Variants in SHC1 observed in about 807,000 individuals in gnomAD.
The protein encoded by SHC1 is SHC adaptor protein 1.
SHC1 carries 30 observed loss-of-function variants against 55.9 expected under a neutral mutation model. The ratio of observed to expected loss-of-function variants is 0.54; its 90% CI spans 0.40 to 0.73. The LOEUF (loss-of-function observed/expected upper bound fraction) is 0.73, where lower values mean the gene tolerates loss of function less well. Among genes scored for constraint, SHC1 ranks in the 30% least tolerant of loss-of-function variants. The pLI is 0.00. For missense variants in SHC1, 675 were observed against 777.1 expected (o/e 0.87, Z 1.56); for synonymous variants, 309 against 306.1 (o/e 1.01, Z -0.10).
rs750142368 is a variant in SHC1, at chr1:154,966,031, T to C, written c.1302A>G (p.Leu434=). Residue 434 remains leucine (L), a synonymous_variant, in exon 10 of 12, where the codon CTA becomes CTG. Transcript: ENST00000448116. ...DDPSYVNVQN[L]DKARQAVGGA... ...CACCCACTGCTTGCCGGGCCTTGTC[T>C]AGGTTCTGGACGTTGACATAGGAGG... 2.5e-6 allele frequency: 4 copies of C among 1,613,936 alleles called. No individual in the cohort carries two copies. In the African/African-American group the frequency reaches 5.3e-5, roughly 22 times the overall value.
chr1:154,968,760 A>AC lies in SHC1; in HGVS notation c.630+10dup, dbSNP rs758091384. 1.9e-6 allele frequency: 3 copies of AC among 1,612,468 alleles called. No individual in the cohort carries two copies. The highest frequency in any genetic ancestry group is 1.1e-5 in the South Asian group (1 of 91,030). On this transcript the variant is annotated intron_variant, in intron 3 of 11. Coordinates refer to ENST00000448116, the MANE Select transcript of SHC1 (RefSeq NM_001130040.2). ...CCCAGCAGCATCCCTATCCCCAAGG[A>AC]CCCCAAGTACCTTTCTCCTCCTTGT...
Position 154,966,440 on chromosome 1 carries a change from G to C in SHC1, c.1061C>G (p.Pro354Arg). The change falls in exon 8 of 12, where the codon CCG becomes CGG. Residue 354 changes from proline to arginine, a missense_variant. This residue lies in a region of SHC1 where 360 missense variants were observed against 371.1 expected (regional missense o/e 0.97). Transcript: ENST00000448116. Reference protein sequence around the residue: ...PPDHQYYNDFPGKEPPLGGVV... With the variant: ...PPDHQYYNDFRGKEPPLGGVV... The stretch of plus-strand genomic sequence containing the variant: ...CCCCCCCAAGGGGGGTTCCTTCCCC[G>C]GGAAGTCATTATAGTACTGATGGTC... The C allele has an allele frequency of 2.5e-6, 4 of 1,612,986 alleles. No individual in the cohort carries two copies. The highest frequency in any genetic ancestry group is 1.1e-5 in the South Asian group (1 of 90,850).
Position 154,968,487 on chromosome 1 carries a change from T to G in SHC1, c.750+8A>C. 6.2e-7 allele frequency: 1 copy of G among 1,613,862 alleles called. No homozygotes were observed. ...GTGTTTCTGGTCCGTCTGCCCACCTTCACCAACCTGTTTGCAGTCTGCGGC... is the reference window on the plus strand; with the variant it reads ...GTGTTTCTGGTCCGTCTGCCCACCTGCACCAACCTGTTTGCAGTCTGCGGC... On this transcript the variant is annotated splice_region_variant and intron_variant, in intron 4 of 11. Transcript: ENST00000448116.
upstream of SHC1, chr1:154,973,329 G>A (rs1231343965): frequency 6.6e-6 from 1 of 152,216 alleles, no homozygotes; most frequent in African/African-American, 2.4e-5. Context: ...TAGCCAACAT[G>A]GGGAAACCCC....
rs1656022831 is a variant in SHC1, at chr1:154,966,639, T to G, written c.984-122A>C. ...TATGGATTAAGCCTGAGGCTGAGTG[T>G]TTTATATACATAATCATTTCATTCT... On this transcript the variant is annotated intron_variant, in intron 7 of 11. Transcript: ENST00000448116. 4.6e-6 allele frequency: 3 copies of G among 650,910 alleles called. No homozygotes were observed. The Admixed American group carries it at 9.7e-5, about 21-fold the overall frequency. The allele number at this position is 650,910 out of a possible 1,614,324, so 40.3% of individuals were successfully genotyped here. A position where few individuals can be genotyped will look rare whatever the true frequency, so the allele number is the denominator to read the frequency against.
chr1:154,970,463 C>T lies in SHC1; in HGVS notation c.64G>A (p.Glu22Lys), dbSNP rs777815425. 19 of 1,611,940 alleles carry T rather than the reference C, an allele frequency of 1.2e-5. No individual in the cohort carries two copies. The highest frequency in any genetic ancestry group is 6.7e-5 in the African/African-American group (5 of 74,878). Residue 22 changes from glutamate to lysine, a missense_variant, in exon 1 of 12, where the codon GAG (glutamate) becomes AAG (lysine). Glu to Lys is a moderately conservative substitution (Grantham distance 56). Transcript: ENST00000448116. This position sits in a 1 kb window ranked among gnomAD's most constrained non-coding sequence, Gnocchi z 5.5. ...PLRNESLSSL[E>K]EGASGSTPPE... ...GGGGTGGACCCAGAAGCCCCTTCCT[C>T]CAGCGATGACAGAGACTCATTCCGG... is the stretch of plus-strand genomic sequence containing the variant.
chr1:154,967,932 A>G, intron 6 of SHC1, 48 bp downstream of exon 6: 2 of 1,607,758 alleles, frequency 1.2e-6, no homozygotes, highest in South Asian at 2.2e-5. Context: ...GGTCCTACTC[A>G]CCTCCTCAAA....
In SHC1 at chr1:154,970,747, T is replaced by C; in HGVS notation, c.-221A>G. ...CCCGCCCAACGTGGAGCCTCTTCTC[T>C]GGCTGAGAAGAGAACAGGCTGGACC... On this transcript the variant is annotated 5_prime_UTR_variant, in exon 1 of 12. Coordinates refer to ENST00000448116, the MANE Select transcript of SHC1 (RefSeq NM_001130040.2). The surrounding 1 kb of genome is among the most constrained non-coding windows in gnomAD (Gnocchi z 5.5). 2.1e-6 allele frequency: 1 copy of C among 473,840 alleles called. No individual in the cohort carries two copies. Among genetic ancestry groups the C allele is most frequent in the Non-Finnish European group, 3.7e-6 (1 of 268,492 alleles). 29.4% of individuals were successfully genotyped at this position (473,840 alleles called of 1,614,324 possible). A position where few individuals can be genotyped will look rare whatever the true frequency, so the allele number is the denominator to read the frequency against.
Position 154,968,789 on chromosome 1 carries a change from C to T in SHC1, c.612G>A (p.Gly204=). ...LVCEAVPGAK[G]ATRRRKPCSR... ...CAAGTACCTTTCTCCTCCTTGTCGCCCCCTTAGCACCCGGCACAGCCTCAC... is the reference window on the plus strand; with the variant it reads ...CAAGTACCTTTCTCCTCCTTGTCGCTCCCTTAGCACCCGGCACAGCCTCAC... The change falls in exon 3 of 12, where the codon GGG becomes GGA. Residue 204 remains glycine (G), a synonymous_variant. Coordinates refer to ENST00000448116, the MANE Select transcript of SHC1 (RefSeq NM_001130040.2). 6.2e-7 allele frequency: 1 copy of T among 1,614,072 alleles called. No individual in the cohort carries two copies. Among genetic ancestry groups the T allele is most frequent in the Non-Finnish European group, 8.5e-7 (1 of 1,179,980 alleles).
At position 154,964,415 on chromosome 1, in the gene SHC1, G is replaced by A. The variant is rs191359292; in HGVS notation, c.1627-484C>T. 17 of 377,396 alleles carry A rather than the reference G, an allele frequency of 4.5e-5. No individual in the cohort carries two copies. In the East Asian group the frequency reaches 7.3e-4, roughly 16 times the overall value. The allele number at this position is 377,396 out of a possible 1,614,324, so 23.4% of individuals were successfully genotyped here. The stretch of plus-strand genomic sequence containing the variant: ...AATTAGCCAGGTGTGCCACCACACC[G>A]CAGCCTGAGTGACAAAGCAAAACCC... On this transcript the variant is annotated intron_variant, in intron 11 of 11. Coordinates refer to ENST00000448116, the MANE Select transcript of SHC1 (RefSeq NM_001130040.2).
At chr1:154,971,958 C>T (rs965073724), upstream of SHC1, among the ~76,000 whole-genome samples, 4 of 151,648 alleles carry the variant, frequency 2.6e-5, no homozygotes, top group African/African-American at 9.7e-5. Context: ...AACAAAGATA[C>T]GTATTCCTAC....
Position 154,966,380 on chromosome 1 carries a change from G to A in SHC1, c.1121C>T (p.Pro374Leu), listed in dbSNP as rs1228130564. The A allele has an allele frequency of 3.1e-6, 5 of 1,614,036 alleles. No individual in the cohort carries two copies. The highest frequency in any genetic ancestry group is 3.4e-6 in the Non-Finnish European group (4 of 1,180,004). The change falls in exon 8 of 12, where the codon CCA becomes CTA. Residue 374 changes from proline (P) to leucine (L), a missense_variant. Pro to Leu is a moderately conservative substitution (Grantham distance 98). This residue lies in a region of SHC1 where 360 missense variants were observed against 371.1 expected (regional missense o/e 0.97). Coordinates refer to ENST00000448116, the MANE Select transcript of SHC1 (RefSeq NM_001130040.2). ...VDMRLREGAA[P>L]GAARPTAPNA... The stretch of plus-strand genomic sequence containing the variant: ...GGGTGCAGTGGGTCGAGCAGCCCCT[G>A]GAGCGGCTCCTTCCCGAAGCCTCAT...
In SHC1 at chr1:154,965,632, C is replaced by A; in HGVS notation, c.1537G>T (p.Glu513Ter). 1 of 1,614,198 alleles carries A rather than the reference C, an allele frequency of 6.2e-7. No homozygotes were observed. The highest frequency in any genetic ancestry group is 8.5e-7 in the Non-Finnish European group (1 of 1,180,040). The change falls in exon 11 of 12, where the codon GAG (glutamate) becomes TAG (stop). Residue 513 changes from glutamate to a stop codon, truncating the protein, a stop_gained. Transcript: ENST00000448116. LOFTEE classifies it high-confidence loss of function. ...LQLNGDFLVR[E>*]STTTPGQYVL... ...TACTGGCCAGGTGTGGTCGTGCTCT[C>A]CCGTACCAGGAAGTCCCCATTGAGC...
rs772522796 is a variant in SHC1 at position 154,967,953 on chromosome 1, C to A, written c.856+27G>T. The A allele has an allele frequency of 3.7e-6, 6 of 1,613,482 alleles. No individual in the cohort carries two copies. In the South Asian group the frequency reaches 6.6e-5, roughly 18 times the overall value. On this transcript the variant is annotated intron_variant, in intron 6 of 11. Transcript: ENST00000448116. Reference sequence around the variant, plus strand: ...ACTCACCTCCTCAAACAGCCAGACCCACCCAGTGCTCCCCACCATGCCTCA... The same window carrying A: ...ACTCACCTCCTCAAACAGCCAGACCAACCCAGTGCTCCCCACCATGCCTCA...
chr1:154,966,522 G>C lies in SHC1; in HGVS notation c.984-5C>G. 6.4e-7 allele frequency: 1 copy of C among 1,571,696 alleles called. No homozygotes were observed. Among genetic ancestry groups the C allele is most frequent in the Non-Finnish European group, 8.6e-7 (1 of 1,156,076 alleles). On this transcript the variant is annotated splice_region_variant and splice_polypyrimidine_tract_variant and intron_variant, in intron 7 of 11. Coordinates refer to ENST00000448116, the MANE Select transcript of SHC1 (RefSeq NM_001130040.2). Reference sequence around the variant, plus strand: ...GAGCCATCAAAGCCAGCCATCCTGAGGGACAGGACAGTGAAGCTGTGGCTG... The same window carrying C: ...GAGCCATCAAAGCCAGCCATCCTGACGGACAGGACAGTGAAGCTGTGGCTG...
rs1035886649 is a variant in SHC1, at chr1:154,968,828, G to T, written c.573C>A (p.Ala191=). 1.4e-5 allele frequency: 23 copies of T among 1,613,710 alleles called. No individual in the cohort carries two copies. Among genetic ancestry groups the T allele is most frequent in the Non-Finnish European group, 1.9e-5 (23 of 1,179,866 alleles). ...GCACAGCCTCACACACCAGACTGAT[G>T]GCCTCCCTGGGGAAAGAGGGGTACT... is the stretch of plus-strand genomic sequence containing the variant. The part of the protein sequence containing the change: ...FNTRTQVTRE[A]ISLVCEAVPG... The change falls in exon 3 of 12, where the codon GCC becomes GCA. Residue 191 remains alanine, a synonymous_variant. Coordinates refer to ENST00000448116, the MANE Select transcript of SHC1 (RefSeq NM_001130040.2).
chr1:154,973,462 G>A (rs1341799404), upstream of SHC1: 1 of 139,834 alleles, frequency 7.2e-6, no homozygotes, highest in Non-Finnish European at 1.5e-5. Flanking sequence ...AGTGAGCCGA[G>A]ATCGCACCAT....
intron 11 of SHC1, chr1:154,965,229 G>A (rs1360124275): frequency 6.0e-6 from 3 of 496,200 alleles, no homozygotes; most frequent in Non-Finnish European, 9.8e-6. Context: ...TAGAGACAGG[G>A]TTTCACCATA....
At chr1:154,965,858 G>A (rs1168471726) in intron 10 of SHC1, 77 bp from the exon 11 acceptor site, 3 of 1,574,118 alleles carry the variant, frequency 1.9e-6, no homozygotes, top group Non-Finnish European at 2.6e-6. Context: ...GGGAAGGGAA[G>A]TCAGGAAGGA....
Sources: allele counts gnomAD v4.1 joint callset (sites outside exome capture counted in the v4.1 genomes callset), GRCh38; gene constraint gnomAD v4.1.1; regional missense constraint gnomAD v4.1.1; non-coding constraint Gnocchi (gnomAD v3.1); transcripts MANE v1.5; gene names NCBI Gene and HGNC (gene_info 2026-07-23, HGNC 2026-07-21).